Variants in MAGT1 observed in about 807,000 individuals in gnomAD.
MAGT1 encodes dolichyl-diphosphooligosaccharide--protein glycosyltransferase subunit MAGT1.
In MAGT1, 4 loss-of-function variants were observed where a neutral mutation model predicts 28.4. The observed-to-expected ratio is 0.14, with a 90% confidence interval of 0.07 to 0.32. The LOEUF (loss-of-function observed/expected upper bound fraction) is 0.32. Ranked by LOEUF, MAGT1 falls within the 10% of genes least tolerant of loss-of-function variation. The probability of loss-of-function intolerance (pLI) is 1.00; values close to 1 mark genes in which losing one functional copy is unlikely to be tolerated. For synonymous variants in MAGT1, 89 were observed against 89.7 expected, an observed-to-expected ratio of 0.99 and a Z score of 0.04; for missense variants, 193 against 264.5, an observed-to-expected ratio of 0.73 and a Z score of 1.88.
intron 8 of MAGT1, among the ~76,000 whole-genome samples, chrX:77,832,400 T>C: frequency 9.5e-6 from 1 of 104,873 alleles, no homozygotes; most frequent in South Asian, 4.0e-4. Flanking sequence ...TGATAGCTGA[T>C]AAGCTGAAAA....
intron 3 of MAGT1, among the ~76,000 whole-genome samples, chrX:77,858,140 A>G (rs1268142879): frequency 9.0e-6 from 1 of 111,669 alleles, no homozygotes; most frequent in Non-Finnish European, 1.9e-5. Context: ...TCTGTCACCC[A>G]GACTGGTGAC....
At chrX:77,842,549 G>A (rs1267701237) in intron 7 of MAGT1, among the ~76,000 whole-genome samples, 4 of 111,687 alleles carry the variant, frequency 3.6e-5, no homozygotes, top group South Asian at 3.7e-4. Context: ...AATCCTGGCC[G>A]TGCGTGGTGG....
chrX:77,830,472 G>A (rs782158424), intron 9 of MAGT1, among the ~76,000 whole-genome samples: 98 of 110,454 alleles, frequency 8.9e-4, no homozygotes, highest in African/African-American at 3.0e-3. Flanking sequence ...AAAATTAGCC[G>A]GGCATGCTGG....
At chrX:77,877,862 TAAAATAAA>T (rs782789813) in intron 1 of MAGT1, among the ~76,000 whole-genome samples, 43,203 of 103,588 alleles carry the variant, frequency 0.42, 8,398 homozygotes, top group Non-Finnish European at 0.55. Context: ...TAAAATAAAA[TAAAATAAA>T]ATATACTGAC....
intron 2 of MAGT1, among the ~76,000 whole-genome samples, chrX:77,872,417 C>A (rs2077022771): frequency 8.9e-6 from 1 of 112,073 alleles, no homozygotes; most frequent in Non-Finnish European, 1.9e-5. Flanking sequence ...TCTCAGAAAT[C>A]ACTGTTGCTT....
intron 1 of MAGT1, among the ~76,000 whole-genome samples, chrX:77,879,960 T>C (rs1301032018): frequency 3.9e-5 from 4 of 102,518 alleles, no homozygotes; most frequent in African/African-American, 1.1e-4. Flanking sequence ...TGCCTCAGCC[T>C]CCAAAGTAGC....
At position 77,834,262 on chromosome X, in the gene MAGT1, G is replaced by A. The variant is rs782812831; in HGVS notation, c.902-3367C>T. Reference sequence around the variant, plus strand: ...TATATATGCATATATATACATGTGTGTATATATGCATATATGTATATATAT... The same window carrying A: ...TATATATGCATATATATACATGTGTATATATATGCATATATGTATATATAT... On this transcript the variant is annotated intron_variant, in intron 8 of 9. Transcript: ENST00000618282. Among the ~76,000 whole-genome samples, 399 of 82,153 alleles carry A rather than the reference G, an allele frequency of 4.9e-3. 10 individuals are homozygous for A. Among genetic ancestry groups the A allele is most frequent in the Non-Finnish European group, 8.0e-3 (323 of 40,479 alleles). The allele number at this position is 82,153 out of a possible 115,157, so 71.3% of individuals were successfully genotyped here. A position where few individuals can be genotyped will look rare whatever the true frequency, so the allele number is the denominator to read the frequency against.
At chrX:77,839,021 T>C (rs1557214157) in intron 8 of MAGT1, among the ~76,000 whole-genome samples, 3 of 109,977 alleles carry the variant, frequency 2.7e-5, no homozygotes, top group Non-Finnish European at 5.7e-5. Flanking sequence ...TACAATGAAA[T>C]GGCTGGGCAC....
chrX:77,845,989 TA>T (rs200189882), intron 7 of MAGT1, among the ~76,000 whole-genome samples: 4,188 of 111,906 alleles, frequency 0.037, 118 homozygotes, highest in African/African-American at 0.1. Flanking sequence ...CCTGCCTTGC[TA>T]GATTGGGGAA....
At chrX:77,882,464 G>A (rs1235496960) in intron 1 of MAGT1, among the ~76,000 whole-genome samples, 3 of 111,492 alleles carry the variant, frequency 2.7e-5, no homozygotes, top group African/African-American at 9.8e-5. Flanking sequence ...TTTTATTCAG[G>A]GTGACTACAT....
At chrX:77,889,427 A>G (rs939291957) in intron 1 of MAGT1, among the ~76,000 whole-genome samples, 2 of 103,334 alleles carry the variant, frequency 1.9e-5, no homozygotes, top group Non-Finnish European at 3.9e-5. Context: ...GCTGGAGTGC[A>G]GTGGGGCGAT....
At chrX:77,894,172 T>C (rs1381065591) in intron 1 of MAGT1, among the ~76,000 whole-genome samples, 2 of 112,045 alleles carry the variant, frequency 1.8e-5, no homozygotes, top group East Asian at 2.8e-4. Flanking sequence ...AACCATAGCT[T>C]AGGATCCTCC....
In MAGT1 at chrX:77,826,848, A is replaced by T. The variant is rs782418786; in HGVS notation, c.*2372T>A. On this transcript the variant is annotated 3_prime_UTR_variant, in exon 10 of 10. Transcript: ENST00000618282. ...AAGAATAGCAGGTAAGGAATTCAGA[A>T]TCTCACAATTTACAAGTGAGTAATT... 2 of 112,090 alleles carry T rather than the reference A, an allele frequency of 1.8e-5. No individual in the cohort carries two copies. Among genetic ancestry groups the T allele is most frequent in the Non-Finnish European group, 3.8e-5 (2 of 53,236 alleles). The allele number at this position is 112,090 out of a possible 1,213,427, so 9.2% of individuals were successfully genotyped here.
intron 1 of MAGT1, among the ~76,000 whole-genome samples, chrX:77,887,180 G>C (rs781943551): frequency 1.3e-4 from 14 of 111,166 alleles, no homozygotes. Context: ...CTGCAGCCTC[G>C]AACTCCTGGG....
chrX:77,886,521 T>C (rs782453422), intron 1 of MAGT1, among the ~76,000 whole-genome samples: 1 of 110,383 alleles, frequency 9.1e-6, no homozygotes, highest in South Asian at 3.9e-4. Flanking sequence ...TATGGGCCTG[T>C]AGTTGCGGCT....
intron 7 of MAGT1, among the ~76,000 whole-genome samples, chrX:77,847,391 G>A (rs782522763): frequency 2.7e-4 from 30 of 112,099 alleles, no homozygotes; most frequent in African/African-American, 9.0e-4. Flanking sequence ...CGGGTGGGGC[G>A]ATGCCTCGCC....
At chrX:77,839,070 G>A (rs1201562397) in intron 8 of MAGT1, among the ~76,000 whole-genome samples, 4 of 109,313 alleles carry the variant, frequency 3.7e-5, no homozygotes, top group South Asian at 8.1e-4. Flanking sequence ...TTGGGAGGCC[G>A]AGGCGGGCGG....
chrX:77,855,898 G>A (rs1442857624), intron 5 of MAGT1, among the ~76,000 whole-genome samples: 1 of 109,025 alleles, frequency 9.2e-6, no homozygotes, highest in Non-Finnish European at 1.9e-5. Context: ...AGCTTCCTGA[G>A]TAGCTGGGAC....
chrX:77,848,672 G>C (rs2076958757), intron 7 of MAGT1, among the ~76,000 whole-genome samples: 1 of 111,391 alleles, frequency 9.0e-6, no homozygotes, highest in Non-Finnish European at 1.9e-5. Flanking sequence ...ATATAGAAAT[G>C]AATGCAAGAT....
Sources: gnomAD v4.1 joint callset for allele counts (sites outside exome capture counted in the v4.1 genomes callset) on GRCh38, gnomAD v4.1.1 for gene constraint, MANE v1.5 for transcripts, NCBI Gene and HGNC (gene_info 2026-07-23, HGNC 2026-07-21) for gene names.